Variants in ARHGEF9 observed in about 807,000 individuals in gnomAD.
ARHGEF9 encodes the protein Cdc42 guanine nucleotide exchange factor 9.
In ARHGEF9, 2 loss-of-function variants were observed where a neutral mutation model predicts 41.3. The observed-to-expected ratio is 0.05, with a 90% CI of 0.02 to 0.15. ARHGEF9 has a LOEUF of 0.15. Ranked by LOEUF, ARHGEF9 falls within the 10% of genes least tolerant of loss-of-function variation. The pLI, the probability that ARHGEF9 is intolerant of heterozygous loss-of-function variation, is 1.00. For missense variants in ARHGEF9, 225 were observed against 424.7 expected (o/e 0.53, Z 4.13); for synonymous variants, 160 against 154.4 (o/e 1.04, Z -0.27).
At chrX:63,682,560 A>G (rs2050727105) in intron 4 of ARHGEF9, among the ~76,000 whole-genome samples, 1 of 110,952 alleles carries the variant, frequency 9.0e-6, no homozygotes. Flanking sequence ...ATCACTAATG[A>G]TCATAGGTAT....
intron 4 of ARHGEF9, among the ~76,000 whole-genome samples, chrX:63,684,295 A>T (rs1163623602): frequency 1.8e-5 from 2 of 111,271 alleles, no homozygotes; most frequent in African/African-American, 6.5e-5. Context: ...CATCAGGAAA[A>T]TGCATATCAA....
rs781856246 is a variant in ARHGEF9, at chrX:63,735,258, G to C, written c.31-10547C>G. The stretch of plus-strand genomic sequence containing the variant: ...TGAATTTCTTCATGTAGTCGCCTTA[G>C]GACCAGTCCTGGGAGCTTTAACTTT... On this transcript the variant is annotated intron_variant, in intron 1 of 9. Transcript: ENST00000671741. 2.7e-5 allele frequency among the ~76,000 whole-genome samples: 3 copies of C among 111,721 alleles called. No homozygotes were observed. The South Asian group carries it at 1.1e-3, about 42-fold the overall frequency.
chrX:63,645,887 C>T (rs1302051375), intron 8 of ARHGEF9, among the ~76,000 whole-genome samples: 1 of 111,921 alleles, frequency 8.9e-6, no homozygotes, highest in East Asian at 2.8e-4. Flanking sequence ...CTCTCCACCA[C>T]CTGTTGTTTC....
chrX:63,682,815 T>C (rs1401735180), intron 4 of ARHGEF9, among the ~76,000 whole-genome samples: 1 of 111,706 alleles, frequency 9.0e-6, no homozygotes, highest in Admixed American at 9.5e-5. Flanking sequence ...ACAAATTAGG[T>C]ATTAATATTA....
At chrX:63,689,151 T>C (rs2051166744) in intron 4 of ARHGEF9, among the ~76,000 whole-genome samples, 1 of 111,468 alleles carries the variant, frequency 9.0e-6, no homozygotes, top group Non-Finnish European at 1.9e-5. Flanking sequence ...ACATTGAATG[T>C]AAATGGGACT....
At chrX:63,734,218 A>G (rs1556421528) in intron 1 of ARHGEF9, among the ~76,000 whole-genome samples, 3 of 111,780 alleles carry the variant, frequency 2.7e-5, no homozygotes, top group Non-Finnish European at 5.6e-5. Context: ...AATGCAGCCA[A>G]ATGGGCCAAG....
chrX:63,644,276 A>G (rs2047845281), intron 8 of ARHGEF9: 1 of 284,448 alleles, frequency 3.5e-6, no homozygotes, highest in East Asian at 5.4e-5. Flanking sequence ...ACAACACAGA[A>G]TAGAGAGCCA....
chrX:63,769,750 C>G (rs2056173283), intron 1 of ARHGEF9, among the ~76,000 whole-genome samples: 1 of 112,381 alleles, frequency 8.9e-6, no homozygotes, highest in Non-Finnish European at 1.9e-5. Flanking sequence ...GGTGCAAGGC[C>G]CGAGCCTTGG....
intron 1 of ARHGEF9, among the ~76,000 whole-genome samples, chrX:63,779,626 C>G (rs2056350173): frequency 9.0e-6 from 1 of 111,572 alleles, no homozygotes; most frequent in Non-Finnish European, 1.9e-5. Flanking sequence ...CATCTAGTTT[C>G]ACAAAAAGAC....
At chrX:63,641,656 G>A (rs782040480) in intron 9 of ARHGEF9, 2 of 112,019 alleles carry the variant, frequency 1.8e-5, no homozygotes, top group African/African-American at 6.5e-5. Flanking sequence ...TATGCTTGAG[G>A]AACCCAGGCT....
chrX:63,743,135 G>A (rs1486776795), intron 1 of ARHGEF9, among the ~76,000 whole-genome samples: 10 of 111,468 alleles, frequency 9.0e-5, no homozygotes, highest in South Asian at 3.8e-4. Flanking sequence ...CCTGGGAGGC[G>A]GAGGTTGCAG....
Position 63,638,000 on chromosome X carries a change from T to G in ARHGEF9, c.*28A>C. On this transcript the variant is annotated 3_prime_UTR_variant, in exon 10 of 10. Coordinates refer to ENST00000671741, the MANE Select transcript of ARHGEF9 (RefSeq NM_001353921.2). Reference sequence around the variant, plus strand: ...ATAAATATAATTTTATTTACTTTATTTTAAAATTATCTGCCTCCCTGTAGG... The same window carrying G: ...ATAAATATAATTTTATTTACTTTATGTTAAAATTATCTGCCTCCCTGTAGG... 8.6e-7 allele frequency: 1 copy of G among 1,166,062 alleles called. No individual in the cohort carries two copies. Among genetic ancestry groups the G allele is most frequent in the East Asian group, 3.1e-5 (1 of 32,026 alleles).
intron 1 of ARHGEF9, among the ~76,000 whole-genome samples, chrX:63,759,176 G>T (rs1556448582): frequency 9.0e-6 from 1 of 111,503 alleles, no homozygotes; most frequent in East Asian, 2.8e-4. Flanking sequence ...ACTTTTGAGA[G>T]ATTTCAGACC....
At chrX:63,747,091 A>G (rs1556434950) in intron 1 of ARHGEF9, among the ~76,000 whole-genome samples, 2 of 112,683 alleles carry the variant, frequency 1.8e-5, no homozygotes. Context: ...CTAGATTTAA[A>G]TAATATCTGT....
chrX:63,666,453 T>TACACACACACACACACACAC (rs782805278), intron 6 of ARHGEF9, among the ~76,000 whole-genome samples: 89 of 81,259 alleles, frequency 1.1e-3, no homozygotes, highest in African/African-American at 3.3e-3. Context: ...TATATATACA[T>TACACACACACACACACACAC]ACACACACAC....
chrX:63,755,138 T>C (rs1295761585), intron 1 of ARHGEF9: 4 of 937,337 alleles, frequency 4.3e-6, no homozygotes, highest in African/African-American at 4.1e-5. Context: ...GCTCAGCCCA[T>C]AGGCTGCCTT....
intron 4 of ARHGEF9, among the ~76,000 whole-genome samples, chrX:63,689,878 A>G (rs782719860): frequency 8.9e-6 from 1 of 112,303 alleles, no homozygotes; most frequent in African/African-American, 3.2e-5. Flanking sequence ...GAAATTAAAT[A>G]CATTGCTCCT....
intron 3 of ARHGEF9, among the ~76,000 whole-genome samples, chrX:63,700,769 C>A (rs2052100441): frequency 9.0e-6 from 1 of 110,913 alleles, no homozygotes; most frequent in Non-Finnish European, 1.9e-5. Flanking sequence ...ACTCAGGGCC[C>A]ATTGAAGGCC....
rs782104769 is a variant in ARHGEF9, at chrX:63,723,612, G to A, written c.210+920C>T. On this transcript the variant is annotated intron_variant, in intron 2 of 9. Transcript: ENST00000671741. ...ATCTCATTCACTGTGACATGCCCTG[G>A]CATTAAAGAACTGTCAAGACCATTG... Among the ~76,000 whole-genome samples the A allele has an allele frequency of 4.5e-5, 5 of 112,207 alleles. No individual in the cohort carries two copies. In the South Asian group the frequency reaches 1.9e-3, roughly 42 times the overall value.
Sources: gnomAD v4.1 joint callset for allele counts (sites outside exome capture counted in the v4.1 genomes callset) on GRCh38, gnomAD v4.1.1 for gene constraint, MANE v1.5 for transcripts, NCBI Gene and HGNC (gene_info 2026-07-23, HGNC 2026-07-21) for gene names.